The following CAPZA1 variants were observed in gnomAD, a reference collection of about 807,000 sequenced individuals.
CAPZA1 encodes the protein capping actin protein of muscle Z-line subunit alpha 1.
A neutral mutation model predicts 40.8 loss-of-function variants in CAPZA1; 10 were observed. That is an observed-to-expected ratio of 0.25 (90% CI 0.15 to 0.42). The LOEUF is 0.42. CAPZA1 is among the 10% of genes least tolerant of loss of function. The pLI, the probability that CAPZA1 is intolerant of heterozygous loss-of-function variation, is 1.00. For synonymous variants in CAPZA1, 98 were observed against 115.0 expected (o/e 0.85, Z 0.95); for missense variants, 277 against 353.8 (o/e 0.78, Z 1.74).
At chr1:112,622,492 G>C (rs951887242) in intron 1 of CAPZA1, among the ~76,000 whole-genome samples, 18 of 152,134 alleles carry the variant, frequency 1.2e-4, no homozygotes, top group Admixed American at 1.2e-3. Context: ...TGAAATATGA[G>C]ATGAATTACT....
chr1:112,635,410 G>C (rs1245470280), intron 1 of CAPZA1, among the ~76,000 whole-genome samples: 2 of 152,144 alleles, frequency 1.3e-5, no homozygotes, highest in Non-Finnish European at 2.9e-5. Flanking sequence ...AAACTGACCA[G>C]GCCTTTGCTG....
intron 5 of CAPZA1, among the ~76,000 whole-genome samples, chr1:112,656,971 G>A (rs1394571630): frequency 6.7e-6 from 1 of 149,088 alleles, no homozygotes; most frequent in African/African-American, 2.5e-5. Context: ...GTGTGGTCTC[G>A]GCTCACTGCA....
chr1:112,620,175 T>C, intron 1 of CAPZA1: 1 of 323,574 alleles, frequency 3.1e-6, no homozygotes, highest in East Asian at 5.3e-5. Flanking sequence ...TGTGGACTTT[T>C]TTCTGTAATT....
At position 112,653,415 on chromosome 1, in the gene CAPZA1, T is replaced by C. The variant is rs549736848; in HGVS notation, c.156-183T>C. On this transcript the variant is annotated intron_variant, in intron 3 of 9. Transcript: ENST00000263168. Reference sequence around the variant, plus strand: ...CAAGATCTCCGTAGAGAGGAGTCCCTTCAGAAAGCTGGAAGGCATTATGTT... The same window carrying C: ...CAAGATCTCCGTAGAGAGGAGTCCCCTCAGAAAGCTGGAAGGCATTATGTT... Among the ~76,000 whole-genome samples the C allele has an allele frequency of 3.9e-5, 6 of 152,320 alleles. No homozygotes were observed. The East Asian group carries it at 1.2e-3, about 29-fold the overall frequency.
rs753229151 is a variant in CAPZA1, at chr1:112,667,145, G to T, written c.657G>T (p.Ser219=). ...HKDVQDSLTV[S]NEAQTAKEFI... ...ATGTACAGGATTCACTAACTGTTTC[G>T]GTGAGTATGGAATATTTAGTGTCTG... The change falls in exon 8 of 10, where the codon TCG becomes TCT. Residue 219 remains serine, a splice_region_variant and synonymous_variant. Transcript: ENST00000263168. 3 of 1,597,360 alleles carry T rather than the reference G, an allele frequency of 1.9e-6. No homozygotes were observed. In the East Asian group the frequency reaches 6.7e-5, roughly 36 times the overall value.
intron 7 of CAPZA1, among the ~76,000 whole-genome samples, chr1:112,663,417 A>C (rs1456709710): frequency 6.6e-6 from 1 of 152,204 alleles, no homozygotes; most frequent in East Asian, 1.9e-4. Context: ...CATTTAGCCC[A>C]GTCTTTTTTG....
rs749542462 is a variant in CAPZA1 at position 112,661,236 on chromosome 1, G to A, written c.585+1457G>A. Among the ~76,000 whole-genome samples the A allele has an allele frequency of 7.9e-5, 12 of 152,170 alleles. No individual in the cohort carries two copies. The East Asian group carries it at 9.6e-4, about 12-fold the overall frequency. On this transcript the variant is annotated intron_variant, in intron 7 of 9. Transcript: ENST00000263168. ...TGCAACAAGTAGCTCCTGGCCATAGGAGCATGCCCAACTCAGGTGAGACAG... is the reference window on the plus strand; with the variant it reads ...TGCAACAAGTAGCTCCTGGCCATAGAAGCATGCCCAACTCAGGTGAGACAG...
chr1:112,627,421 G>T (rs931381379), intron 1 of CAPZA1, among the ~76,000 whole-genome samples: 2 of 151,868 alleles, frequency 1.3e-5, no homozygotes, highest in Non-Finnish European at 2.9e-5. Flanking sequence ...GAGGCAGGCG[G>T]ATTACTTGAA....
At chr1:112,629,771 T>C (rs1211374153) in intron 1 of CAPZA1, among the ~76,000 whole-genome samples, 1 of 152,248 alleles carries the variant, frequency 6.6e-6, no homozygotes, top group African/African-American at 2.4e-5. Context: ...TTCATCCTTC[T>C]CTTTTATTCT....
intron 1 of CAPZA1, among the ~76,000 whole-genome samples, chr1:112,622,243 G>A (rs762261624): frequency 6.6e-6 from 1 of 152,098 alleles, no homozygotes; most frequent in Non-Finnish European, 1.5e-5. Flanking sequence ...GTAAAAGCTA[G>A]TAATATCATC....
At chr1:112,661,002 C>T (rs1671596364) in intron 7 of CAPZA1, among the ~76,000 whole-genome samples, 1 of 151,892 alleles carries the variant, frequency 6.6e-6, no homozygotes, top group African/African-American at 2.4e-5. Context: ...GGATTACAGG[C>T]ACACACCACC....
chr1:112,639,150 C>G (rs1671086335), intron 1 of CAPZA1, among the ~76,000 whole-genome samples: 1 of 151,874 alleles, frequency 6.6e-6, no homozygotes, highest in Non-Finnish European at 1.5e-5. Flanking sequence ...CAGGAAATAA[C>G]ATAGGATTCC....
At chr1:112,638,202 T>C (rs556511173) in intron 1 of CAPZA1, among the ~76,000 whole-genome samples, 124 of 152,290 alleles carry the variant, frequency 8.1e-4, no homozygotes, top group Non-Finnish European at 1.3e-3. Flanking sequence ...CAAGAGAGCA[T>C]TTCTGGCCAA....
rs58051216 is a variant in CAPZA1 at position 112,670,362 on chromosome 1, CTTTTTTTT to C, written c.*242_*249del. 1,274 of 150,252 alleles carry C rather than the reference CTTTTTTTT, an allele frequency of 8.5e-3. 7 individuals are homozygous for C. The highest frequency in any genetic ancestry group is 0.028 in the Middle Eastern group (8 of 282). 9.3% of individuals were successfully genotyped at this position (150,252 alleles called of 1,614,324 possible). ...TATATCTACGTGTAAATCTTTTTTT[CTTTTTTTT>C]TTTTTTTTTTTGGTTAATTCTGCCA... On this transcript the variant is annotated 3_prime_UTR_variant, in exon 10 of 10. Transcript: ENST00000263168.
In CAPZA1 at chr1:112,658,164, G is replaced by C. The variant is rs150014552; in HGVS notation, c.427-858G>C. ...AATACATGTAAGAACATATTTTGTGGACTATAAAGCGCTATTTTTTTTTTC... is the reference window on the plus strand; with the variant it reads ...AATACATGTAAGAACATATTTTGTGCACTATAAAGCGCTATTTTTTTTTTC... On this transcript the variant is annotated intron_variant, in intron 5 of 9. Transcript: ENST00000263168. 4.5e-3 allele frequency among the ~76,000 whole-genome samples: 679 copies of C among 152,200 alleles called. 1 individual carries two copies. The highest frequency in any genetic ancestry group is 0.016 in the African/African-American group (647 of 41,542).
intron 8 of CAPZA1, among the ~76,000 whole-genome samples, chr1:112,668,380 A>G (rs570264220): frequency 6.6e-6 from 1 of 152,158 alleles, no homozygotes; most frequent in East Asian, 1.9e-4. Flanking sequence ...CTTTGTGAAT[A>G]TATTTTCCAA....
intron 1 of CAPZA1, among the ~76,000 whole-genome samples, chr1:112,622,558 A>G (rs1377599139): frequency 6.6e-6 from 1 of 152,216 alleles, no homozygotes; most frequent in Admixed American, 6.5e-5. Flanking sequence ...TTTGTAAAAC[A>G]TAAAAGCAAA....
At chr1:112,665,178 G>GTTTTTT (rs55776312) in intron 7 of CAPZA1, among the ~76,000 whole-genome samples, 1 of 128,946 alleles carries the variant, frequency 7.8e-6, no homozygotes, top group Admixed American at 8.1e-5. Flanking sequence ...GTTTTTTTGT[G>GTTTTTT]TTTTTTTTTT....
intron 1 of CAPZA1, among the ~76,000 whole-genome samples, chr1:112,639,227 C>T (rs1443259543): frequency 6.6e-6 from 1 of 152,030 alleles, no homozygotes; most frequent in Admixed American, 6.6e-5. Context: ...TTTTTAACCA[C>T]TCATTAAGTA....
Sources: allele counts gnomAD v4.1 joint callset (sites outside exome capture counted in the v4.1 genomes callset), GRCh38; gene constraint gnomAD v4.1.1; transcripts MANE v1.5; gene names NCBI Gene and HGNC (gene_info 2026-07-23, HGNC 2026-07-21).